FER: variants seen among roughly 807,000 people sequenced by gnomAD.
The protein encoded by FER is FER tyrosine kinase.
Under a neutral mutation model 111.0 loss-of-function variants are expected in FER, and 63 were observed. That is an observed-to-expected ratio of 0.57 (90% CI 0.46 to 0.70). The LOEUF (loss-of-function observed/expected upper bound fraction) is 0.70, where lower values mean the gene tolerates loss of function less well. Ranked by LOEUF, FER falls within the 30% of genes least tolerant of loss-of-function variation. The probability of loss-of-function intolerance (pLI) is 0.00; values close to 1 mark genes in which losing one functional copy is unlikely to be tolerated. For synonymous variants in FER, 327 were observed against 313.9 expected, an observed-to-expected ratio of 1.04 and a Z score of -0.44; for missense variants, 914 against 954.0, an observed-to-expected ratio of 0.96 and a Z score of 0.55.
At chr5:109,156,147 C>A (rs1755348809) in intron 17 of FER, among the ~76,000 whole-genome samples, 1 of 152,008 alleles carries the variant, frequency 6.6e-6, no homozygotes, top group South Asian at 2.1e-4. Flanking sequence ...TAACACTTTT[C>A]TGCAGTGTAG....
At chr5:108,827,822 CT>C (rs5870331) in intron 3 of FER, among the ~76,000 whole-genome samples, 39 of 121,602 alleles carry the variant, frequency 3.2e-4, no homozygotes, top group East Asian at 2.3e-3. Context: ...GAGTTAGTAT[CT>C]TTTTTTTTTT....
intron 5 of FER, among the ~76,000 whole-genome samples, chr5:108,849,889 G>A (rs1157237677): frequency 6.6e-6 from 1 of 152,062 alleles, no homozygotes; most frequent in African/African-American, 2.4e-5. Context: ...AATGATGGAA[G>A]TTTAAAAATC....
chr5:109,091,832 A>G lies in FER; in HGVS notation c.1925-8564A>G, dbSNP rs566418943. Among the ~76,000 whole-genome samples the G allele has an allele frequency of 7.9e-5, 12 of 152,288 alleles. No homozygotes were observed. The South Asian group carries it at 2.5e-3, about 32-fold the overall frequency. On this transcript the variant is annotated intron_variant, in intron 16 of 19. Transcript: ENST00000281092. Reference sequence around the variant, plus strand: ...CACTTCTTACCTAAGACTCAATGTGATAATATTAAGAGGTGGGGCCTTCAG... The same window carrying G: ...CACTTCTTACCTAAGACTCAATGTGGTAATATTAAGAGGTGGGGCCTTCAG...
intron 2 of FER, among the ~76,000 whole-genome samples, chr5:108,776,407 A>T (rs1223059648): frequency 6.6e-6 from 1 of 152,206 alleles, no homozygotes; most frequent in East Asian, 1.9e-4. Context: ...CTAATTACAA[A>T]AAAGCAAATA....
chr5:109,025,549 A>C (rs1768590155), intron 13 of FER, among the ~76,000 whole-genome samples: 1 of 151,756 alleles, frequency 6.6e-6, no homozygotes, highest in Admixed American at 6.6e-5. Flanking sequence ...CTAGATATAC[A>C]ATCATGTCGT....
intron 3 of FER, chr5:108,820,350 G>T: frequency 1.0e-6 from 1 of 985,370 alleles, no homozygotes; most frequent in Non-Finnish European, 1.2e-6. Context: ...TTTTTGGTAG[G>T]AGAAAACTGC....
At chr5:109,129,334 T>TCACAAAAA (rs1236402337) in intron 17 of FER, among the ~76,000 whole-genome samples, 5 of 152,038 alleles carry the variant, frequency 3.3e-5, no homozygotes, top group Admixed American at 6.6e-5. Context: ...AACATACATC[T>TCACAAAAA]TAATTTTCCC....
At chr5:108,925,672 A>G (rs1204504806) in intron 10 of FER, among the ~76,000 whole-genome samples, 2 of 151,888 alleles carry the variant, frequency 1.3e-5, no homozygotes, top group Non-Finnish European at 2.9e-5. Flanking sequence ...AAGTTTATGT[A>G]TTTTCTTTAT....
chr5:108,757,883 G>A (rs1024972615), intron 1 of FER, among the ~76,000 whole-genome samples: 1 of 152,106 alleles, frequency 6.6e-6, no homozygotes, highest in African/African-American at 2.4e-5. Context: ...CCTTACCTTG[G>A]TGGTTGCCTG....
At chr5:108,837,422 A>T (rs1330490556) in intron 5 of FER, among the ~76,000 whole-genome samples, 1 of 152,214 alleles carries the variant, frequency 6.6e-6, no homozygotes, top group African/African-American at 2.4e-5. Context: ...AACTTTATAC[A>T]TTAAACATTA....
chr5:108,757,855 A>G (rs1751290798), intron 1 of FER, among the ~76,000 whole-genome samples: 1 of 152,166 alleles, frequency 6.6e-6, no homozygotes, highest in Non-Finnish European at 1.5e-5. Context: ...ATTAATCATA[A>G]CAAATATAGG....
At chr5:109,003,797 TAGAG>T (rs1293782482) in intron 13 of FER, among the ~76,000 whole-genome samples, 2 of 152,056 alleles carry the variant, frequency 1.3e-5, no homozygotes, top group South Asian at 2.1e-4. Context: ...CTAGGCATCA[TAGAG>T]AGACCCCATC....
At chr5:108,807,483 C>T (rs1467724726) in intron 3 of FER, among the ~76,000 whole-genome samples, 1 of 152,074 alleles carries the variant, frequency 6.6e-6, no homozygotes, top group Non-Finnish European at 1.5e-5. Context: ...TTTGTGATTT[C>T]TTATTGTGCT....
rs538517712 is a variant in FER at position 108,923,891 on chromosome 5, A to G, written c.1237-22239A>G. On this transcript the variant is annotated intron_variant, in intron 10 of 19. Coordinates refer to ENST00000281092, the MANE Select transcript of FER (RefSeq NM_005246.4). ...ACCTCAATAAAAAATAAAAAAAATT[A>G]AAACACATTGGATTAAGAAAAGCTT... Among the ~76,000 whole-genome samples, 6 of 152,322 alleles carry G rather than the reference A, an allele frequency of 3.9e-5. No homozygotes were observed. The South Asian group carries it at 1.2e-3, about 32-fold the overall frequency.
At chr5:108,940,652 A>G (rs897002110) in intron 10 of FER, among the ~76,000 whole-genome samples, 3 of 152,176 alleles carry the variant, frequency 2.0e-5, no homozygotes, top group African/African-American at 2.4e-5. Context: ...GAAAGATTAG[A>G]ATCTAGAGGA....
rs1168846592 is a variant in FER at position 109,010,400 on chromosome 5, G to T, written c.1657-27022G>T. On this transcript the variant is annotated intron_variant, in intron 13 of 19. Transcript: ENST00000281092. ...TGTCGATCTCCTGACCTCGTGATCC[G>T]CCCGCCTCGGCCTCTCAAAGCATTG... Among the ~76,000 whole-genome samples, 7 of 151,752 alleles carry T rather than the reference G, an allele frequency of 4.6e-5. No homozygotes were observed. The East Asian group carries it at 1.4e-3, about 29-fold the overall frequency.
intron 2 of FER, among the ~76,000 whole-genome samples, chr5:108,782,177 G>A (rs963396301): frequency 7.9e-5 from 12 of 152,180 alleles, no homozygotes; most frequent in African/African-American, 2.4e-4. Context: ...AGTTTGTGGG[G>A]CAGTGGTTTG....
chr5:108,804,285 G>A (rs1756972831), intron 3 of FER, among the ~76,000 whole-genome samples: 1 of 152,166 alleles, frequency 6.6e-6, no homozygotes, highest in South Asian at 2.1e-4. Context: ...CATTAAGAGA[G>A]ATAGTTTGAC....
rs34272833 is a variant in FER at position 108,923,052 on chromosome 5, T to C, written c.1237-23078T>C. ...CTTTCTGTACCTCAGTTTTCTCATC[T>C]GTAAACTAGGGTTTGTAACAGAAAC... On this transcript the variant is annotated intron_variant, in intron 10 of 19. Coordinates refer to ENST00000281092, the MANE Select transcript of FER (RefSeq NM_005246.4). Among the ~76,000 whole-genome samples, 1,084 of 152,314 alleles carry C rather than the reference T, an allele frequency of 7.1e-3. 5 individuals are homozygous for C. Among genetic ancestry groups the C allele is most frequent in the East Asian group, 0.011 (58 of 5,190 alleles).
Sources: allele counts gnomAD v4.1 joint callset (sites outside exome capture counted in the v4.1 genomes callset), GRCh38; gene constraint gnomAD v4.1.1; transcripts MANE v1.5; gene names NCBI Gene and HGNC (gene_info 2026-07-23, HGNC 2026-07-21).